Variants in HMGCS1 observed in about 807,000 individuals in gnomAD.
The protein encoded by HMGCS1 is 3-hydroxy-3-methylglutaryl-CoA synthase 1, also known as hydroxymethylglutaryl-CoA synthase, cytoplasmic.
A neutral mutation model predicts 52.3 loss-of-function variants in HMGCS1; 9 were observed. That is an observed-to-expected ratio of 0.17 (90% confidence interval 0.10 to 0.30). HMGCS1 has a LOEUF of 0.30. HMGCS1 is among the 10% of genes least tolerant of loss of function. The pLI is 1.00. For synonymous variants in HMGCS1, 176 were observed against 214.4 expected, an observed-to-expected ratio of 0.82 and a Z score of 1.57; for missense variants, 320 against 620.9, an observed-to-expected ratio of 0.52 and a Z score of 5.15.
chr5:43,299,369 G>A (rs1402008642), intron 2 of HMGCS1, among the ~76,000 whole-genome samples: 2 of 152,148 alleles, frequency 1.3e-5, no homozygotes, highest in Non-Finnish European at 2.9e-5. Context: ...AATAAATTAG[G>A]CCGGGCGTGG....
chr5:43,307,357 G>A lies in HMGCS1; in HGVS notation c.-11+409C>T, dbSNP rs527960739. On this transcript the variant is annotated intron_variant, in intron 2 of 10. Coordinates refer to ENST00000325110, the MANE Select transcript of HMGCS1 (RefSeq NM_001098272.3). The stretch of plus-strand genomic sequence containing the variant: ...CAAAGTGGTGGGATTACAGACGTGA[G>A]CCACTGTGCCTGGCCCATTCTTACA... Among the ~76,000 whole-genome samples the A allele has an allele frequency of 1.1e-4, 16 of 152,226 alleles. No individual in the cohort carries two copies. In the South Asian group the frequency reaches 1.2e-3, roughly 12 times the overall value.
intron 2 of HMGCS1, among the ~76,000 whole-genome samples, chr5:43,306,854 G>A (rs769461921): frequency 2.6e-5 from 4 of 152,122 alleles, no homozygotes; most frequent in Non-Finnish European, 5.9e-5. Context: ...CCAACCCACT[G>A]TTTGGCATAT....
At chr5:43,306,291 G>C (rs538821262) in intron 2 of HMGCS1, among the ~76,000 whole-genome samples, 1 of 152,264 alleles carries the variant, frequency 6.6e-6, no homozygotes, top group African/African-American at 2.4e-5. Flanking sequence ...AAATGAAAGA[G>C]AACTGGAAAG....
intron 1 of HMGCS1, among the ~76,000 whole-genome samples, chr5:43,311,005 G>A (rs146426001): frequency 2.3e-3 from 346 of 152,254 alleles, no homozygotes; most frequent in African/African-American, 7.9e-3. Context: ...ATCAACACAC[G>A]CCATGCATTA....
rs755442201 is a variant in HMGCS1 at position 43,296,982 on chromosome 5, G to A, written c.739+20C>T. 6.2e-7 allele frequency: 1 copy of A among 1,611,004 alleles called. No individual in the cohort carries two copies. Among genetic ancestry groups the A allele is most frequent in the South Asian group, 1.1e-5 (1 of 90,654 alleles). ...TGCTCTCAACTCATACCAAAACCAA[G>A]GAAAATGGGTAAAACTTACCTTTCT... is the stretch of plus-strand genomic sequence containing the variant. On this transcript the variant is annotated intron_variant, in intron 5 of 10. Coordinates refer to ENST00000325110, the MANE Select transcript of HMGCS1 (RefSeq NM_001098272.3).
intron 2 of HMGCS1, among the ~76,000 whole-genome samples, chr5:43,305,299 A>G (rs1247376039): frequency 6.6e-6 from 1 of 152,072 alleles, no homozygotes; most frequent in Non-Finnish European, 1.5e-5. Flanking sequence ...GTTACTTTTA[A>G]CTATCCTATT....
intron 2 of HMGCS1, among the ~76,000 whole-genome samples, chr5:43,300,875 T>C (rs1022386078): frequency 1.3e-5 from 2 of 152,264 alleles, no homozygotes; most frequent in Admixed American, 6.5e-5. Context: ...AGAATCTTTT[T>C]TTTTTCTCAT....
chr5:43,313,164 G>C (rs1220623201), intron 1 of HMGCS1, 192 bp downstream of exon 1: 1 of 152,600 alleles, frequency 6.6e-6, no homozygotes, highest in East Asian at 1.9e-4. Flanking sequence ...GTCGGCCTCA[G>C]GTCCCTCACG....
chr5:43,305,128 A>C (rs1754502642), intron 2 of HMGCS1, among the ~76,000 whole-genome samples: 1 of 152,086 alleles, frequency 6.6e-6, no homozygotes, highest in Admixed American at 6.5e-5. Flanking sequence ...CTGGGATTAC[A>C]GGCGGGTGCC....
intron 1 of HMGCS1, among the ~76,000 whole-genome samples, chr5:43,310,861 T>C (rs1754825917): frequency 6.6e-6 from 1 of 152,192 alleles, no homozygotes; most frequent in Non-Finnish European, 1.5e-5. Flanking sequence ...AAAACATTTG[T>C]TGGTCTTACA....
At chr5:43,312,487 A>C (rs1459274651) in intron 1 of HMGCS1, among the ~76,000 whole-genome samples, 1 of 152,146 alleles carries the variant, frequency 6.6e-6, no homozygotes, top group Non-Finnish European at 1.5e-5. Context: ...TCGTTTCTCT[A>C]CCACTGGTCA....
intron 2 of HMGCS1, among the ~76,000 whole-genome samples, chr5:43,306,198 A>C (rs1461979904): frequency 6.6e-6 from 1 of 152,240 alleles, no homozygotes; most frequent in Non-Finnish European, 1.5e-5. Context: ...AAGCAAGATA[A>C]GGAAGCCTTG....
intron 5 of HMGCS1, 74 bp downstream of exon 5, chr5:43,296,928 G>T: frequency 9.3e-7 from 1 of 1,076,566 alleles, no homozygotes; most frequent in Non-Finnish European, 1.4e-6. Context: ...CAAAGTAGTT[G>T]CCTACCAAAG....
Position 43,298,299 on chromosome 5 carries a change from T to C in HMGCS1, c.449-165A>G, listed in dbSNP as rs1754133039. 1.4e-6 allele frequency: 1 copy of C among 698,412 alleles called. No homozygotes were observed. The highest frequency in any genetic ancestry group is 2.3e-6 in the Non-Finnish European group (1 of 431,580). 43.3% of individuals were successfully genotyped at this position (698,412 alleles called of 1,614,324 possible). ...AAATTCATCTGCCAAGGCTCTGTCA[T>C]CCATCTGACTAAATTTTGAATAGAC... On this transcript the variant is annotated intron_variant, in intron 3 of 10. Transcript: ENST00000325110. This position sits in a 1 kb window ranked among gnomAD's most constrained non-coding sequence, Gnocchi z 5.6.
chr5:43,295,659 C>G, intron 6 of HMGCS1, 93 bp downstream of exon 6: 1 of 873,242 alleles, frequency 1.1e-6, no homozygotes, highest in Non-Finnish European at 1.8e-6. Flanking sequence ...ATTCTTCTGA[C>G]TCTCAATTTC....
chr5:43,296,255 A>C lies in HMGCS1; in HGVS notation c.740-338T>G, dbSNP rs559325961. ...ATAGCAAACTGAATAACTTGCAGCA[A>C]GGGTAAGTAATGTCATGACATTTTT... On this transcript the variant is annotated intron_variant, in intron 5 of 10. Transcript: ENST00000325110. Among the ~76,000 whole-genome samples the C allele has an allele frequency of 2.0e-5, 3 of 152,312 alleles. No homozygotes were observed. In the South Asian group the frequency reaches 6.2e-4, roughly 32 times the overall value.
At chr5:43,296,846 A>G (rs998001562) in intron 5 of HMGCS1, among the ~76,000 whole-genome samples, 156 bp downstream of exon 5, 7 of 152,248 alleles carry the variant, frequency 4.6e-5, no homozygotes, top group African/African-American at 9.6e-5. Flanking sequence ...ACACTTTCCC[A>G]GAAACTATGG....
chr5:43,299,662 AG>A (rs1157217462), intron 2 of HMGCS1, among the ~76,000 whole-genome samples: 2 of 132,932 alleles, frequency 1.5e-5, no homozygotes, highest in Non-Finnish European at 3.2e-5. Flanking sequence ...AAAAAAAAAA[AG>A]AAAAAGTAAA....
intron 2 of HMGCS1, 58 bp from the exon 3 acceptor site, chr5:43,299,033 A>G: frequency 7.9e-7 from 1 of 1,269,312 alleles, no homozygotes; most frequent in Non-Finnish European, 1.1e-6. Context: ...CTGGTTTTCA[A>G]CTTTGAAATT....
Sources: allele counts gnomAD v4.1 joint callset (sites outside exome capture counted in the v4.1 genomes callset), GRCh38; gene constraint gnomAD v4.1.1; non-coding constraint Gnocchi (gnomAD v3.1); transcripts MANE v1.5; gene names NCBI Gene and HGNC (gene_info 2026-07-23, HGNC 2026-07-21).